HHAT: variants seen among roughly 807,000 people sequenced by gnomAD.
HHAT encodes hedgehog acyltransferase.
In HHAT, 47 loss-of-function variants were observed where a neutral mutation model predicts 70.8. That is an observed-to-expected ratio of 0.66 (90% CI 0.53 to 0.85). The LOEUF (loss-of-function observed/expected upper bound fraction) is 0.85. HHAT is among the 40% of genes least tolerant of loss of function. The pLI is 0.00. For synonymous variants in HHAT, 228 were observed against 247.6 expected, an observed-to-expected ratio of 0.92 and a Z score of 0.74; for missense variants, 609 against 604.8, an observed-to-expected ratio of 1.01 and a Z score of -0.07.
chr1:210,490,242 G>T lies in HHAT; in HGVS notation c.1008-22911G>T, dbSNP rs138317227. Among the ~76,000 whole-genome samples, 655 of 152,248 alleles carry T rather than the reference G, an allele frequency of 4.3e-3. 4 individuals are homozygous for T. The highest frequency in any genetic ancestry group is 0.014 in the Middle Eastern group (4 of 294). ...TGGGACCAAGTAATGGTGTAGAAGA[G>T]GGGAGAGAAAGAGGCTTGTTAAATC... On this transcript the variant is annotated intron_variant, in intron 8 of 11. Coordinates refer to ENST00000261458, the MANE Select transcript of HHAT (RefSeq NM_018194.6).
intron 9 of HHAT, among the ~76,000 whole-genome samples, chr1:210,542,617 G>A (rs1023900048): frequency 6.6e-6 from 1 of 151,712 alleles, no homozygotes; most frequent in African/African-American, 2.4e-5. Context: ...GGGCAATATA[G>A]TGAGACTCCA....
At chr1:210,490,271 G>T (rs970517955) in intron 8 of HHAT, among the ~76,000 whole-genome samples, 1 of 152,144 alleles carries the variant, frequency 6.6e-6, no homozygotes, top group African/African-American at 2.4e-5. Context: ...TTAAATCAGG[G>T]AATAACTCTG....
chr1:210,653,440 G>C (rs1383670225), intron 11 of HHAT, among the ~76,000 whole-genome samples: 1 of 150,808 alleles, frequency 6.6e-6, no homozygotes, highest in East Asian at 2.0e-4. Flanking sequence ...TGAGGTGGGA[G>C]AATTGCTTGA....
chr1:210,494,513 G>C (rs1191462825), intron 8 of HHAT, among the ~76,000 whole-genome samples: 1 of 148,500 alleles, frequency 6.7e-6, no homozygotes, highest in African/African-American at 2.5e-5. Flanking sequence ...AGATGCAAGT[G>C]GGGAGATCAG....
chr1:210,644,857 G>A (rs1029799999), intron 11 of HHAT, among the ~76,000 whole-genome samples: 4 of 152,010 alleles, frequency 2.6e-5, no homozygotes, highest in Non-Finnish European at 5.9e-5. Context: ...GGGGCACTCC[G>A]GGAAACCTGC....
chr1:210,502,383 CAAAA>C (rs1177468677), intron 8 of HHAT, among the ~76,000 whole-genome samples: 5 of 87,032 alleles, frequency 5.7e-5, no homozygotes, highest in South Asian at 5.5e-4. Flanking sequence ...GACTCAGTCT[CAAAA>C]AAAAAAAAAA....
chr1:210,475,175 T>C (rs1231138081), intron 8 of HHAT, among the ~76,000 whole-genome samples: 1 of 152,108 alleles, frequency 6.6e-6, no homozygotes, highest in Non-Finnish European at 1.5e-5. Flanking sequence ...CCAGTTCTTA[T>C]TAACTAGGCA....
At chr1:210,604,079 G>GT (rs1005164822) in intron 10 of HHAT, among the ~76,000 whole-genome samples, 2 of 152,016 alleles carry the variant, frequency 1.3e-5, no homozygotes, top group African/African-American at 2.4e-5. Flanking sequence ...TGTTAAGATA[G>GT]TTTTTTTGTT....
chr1:210,584,336 T>C (rs1218137091), intron 9 of HHAT, among the ~76,000 whole-genome samples: 2 of 152,126 alleles, frequency 1.3e-5, no homozygotes, highest in East Asian at 3.9e-4. Context: ...AAAACAGCCA[T>C]CTGTACAGTT....
chr1:210,522,584 T>A (rs72749332), intron 9 of HHAT, among the ~76,000 whole-genome samples: 3,063 of 152,282 alleles, frequency 0.02, 44 homozygotes, highest in Non-Finnish European at 0.031. Context: ...TTTGTCTTCT[T>A]AACATCTCTC....
chr1:210,577,894 C>CCT (rs1212793609), intron 9 of HHAT, among the ~76,000 whole-genome samples: 2 of 152,012 alleles, frequency 1.3e-5, no homozygotes, highest in African/African-American at 2.4e-5. Flanking sequence ...GATCTGCCTG[C>CCT]CTCAGCCTCT....
intron 7 of HHAT, among the ~76,000 whole-genome samples, chr1:210,463,663 T>G (rs946025622): frequency 1.3e-5 from 2 of 152,186 alleles, no homozygotes; most frequent in Non-Finnish European, 2.9e-5. Flanking sequence ...TTTCTCTTGG[T>G]TATATGACAA....
At chr1:210,420,675 CA>C (rs35291878) in intron 7 of HHAT, among the ~76,000 whole-genome samples, 41,122 of 143,136 alleles carry the variant, frequency 0.29, 6,753 homozygotes, top group Non-Finnish European at 0.39. Context: ...TTTAAAAAAA[CA>C]AAAAAAAAAA....
At chr1:210,424,902 T>C (rs1373888275) in intron 7 of HHAT, among the ~76,000 whole-genome samples, 5 of 152,208 alleles carry the variant, frequency 3.3e-5, no homozygotes, top group African/African-American at 1.2e-4. Flanking sequence ...TTTCTGTCTT[T>C]AGGTCTTTCA....
chr1:210,664,176 A>G (rs1678398906), intron 11 of HHAT, among the ~76,000 whole-genome samples: 1 of 152,208 alleles, frequency 6.6e-6, no homozygotes, highest in Admixed American at 6.5e-5. Flanking sequence ...CAGCCCTCTG[A>G]TGGGAGAAGG....
intron 11 of HHAT, among the ~76,000 whole-genome samples, chr1:210,641,793 G>A (rs1440056243): frequency 6.6e-6 from 1 of 152,150 alleles, no homozygotes; most frequent in Non-Finnish European, 1.5e-5. Context: ...TGTGTTATGA[G>A]ACACACCCAT....
intron 10 of HHAT, among the ~76,000 whole-genome samples, chr1:210,620,932 A>G (rs1334982368): frequency 1.3e-5 from 2 of 150,816 alleles, no homozygotes; most frequent in Admixed American, 1.3e-4. Context: ...GAATTTATGG[A>G]ACCATGTAGC....
At chr1:210,466,095 A>T (rs948324988) in intron 8 of HHAT, among the ~76,000 whole-genome samples, 1 of 149,318 alleles carries the variant, frequency 6.7e-6, no homozygotes, top group East Asian at 2.0e-4. Context: ...AATGAATTGC[A>T]AGGAATTGCA....
intron 7 of HHAT, among the ~76,000 whole-genome samples, chr1:210,440,390 G>A (rs1363748179): frequency 6.6e-6 from 1 of 151,596 alleles, no homozygotes; most frequent in Admixed American, 6.6e-5. Context: ...TCTTTGGAGT[G>A]GTCCCAAGCA....
Sources: gnomAD v4.1 joint callset for allele counts (sites outside exome capture counted in the v4.1 genomes callset) on GRCh38, gnomAD v4.1.1 for gene constraint, MANE v1.5 for transcripts, NCBI Gene and HGNC (gene_info 2026-07-23, HGNC 2026-07-21) for gene names.